PCSK5: variants seen among roughly 807,000 people sequenced by gnomAD.
PCSK5 encodes the protein proprotein convertase subtilisin/kexin type 5, also known as prohormone convertase 5.
In PCSK5, 129 loss-of-function variants were observed where a neutral mutation model predicts 233.2. That is an observed-to-expected ratio of 0.55 (90% CI 0.48 to 0.64). The LOEUF (loss-of-function observed/expected upper bound fraction) is 0.64, where lower values mean the gene tolerates loss of function less well. Among genes scored for constraint, PCSK5 ranks in the 30% least tolerant of loss-of-function variants. PCSK5 has a pLI of 0.00. For synonymous variants in PCSK5, 825 were observed against 879.2 expected (o/e 0.94, Z 1.09); for missense variants, 2,076 against 2,430.1 (o/e 0.85, Z 3.06).
At chr9:76,088,871 G>A (rs550629504) in intron 7 of PCSK5, among the ~76,000 whole-genome samples, 1 of 151,674 alleles carries the variant, frequency 6.6e-6, no homozygotes, top group Admixed American at 6.6e-5. Flanking sequence ...TTTTGTGTGA[G>A]TGCTACAAAA....
At chr9:76,324,805 T>C (rs1829312230) in intron 32 of PCSK5, among the ~76,000 whole-genome samples, 1 of 152,070 alleles carries the variant, frequency 6.6e-6, no homozygotes, top group Non-Finnish European at 1.5e-5. Flanking sequence ...AGCCCAGGAT[T>C]CACTCTGTTG....
At chr9:76,358,059 G>A (rs1433556237) in intron 37 of PCSK5, among the ~76,000 whole-genome samples, 1 of 152,154 alleles carries the variant, frequency 6.6e-6, no homozygotes, top group Non-Finnish European at 1.5e-5. Context: ...TTGGACACCT[G>A]GTGACTGACC....
intron 27 of PCSK5, 29 bp from the exon 28 acceptor site, chr9:76,302,108 A>G: frequency 1.7e-6 from 2 of 1,153,264 alleles, no homozygotes; most frequent in South Asian, 1.4e-5. Flanking sequence ...TTAAAAAAAA[A>G]CTAAACACTT....
chr9:76,028,270 C>G (rs1828511191), intron 5 of PCSK5, among the ~76,000 whole-genome samples: 1 of 152,162 alleles, frequency 6.6e-6, no homozygotes, highest in Non-Finnish European at 1.5e-5. Context: ...GTTCACCTTG[C>G]CTGCTGCCTA....
chr9:76,072,757 A>G (rs936917052), intron 7 of PCSK5, among the ~76,000 whole-genome samples: 1 of 152,136 alleles, frequency 6.6e-6, no homozygotes, highest in African/African-American at 2.4e-5. Context: ...TTCCTCCTGC[A>G]TAGCTCCCGT....
chr9:76,322,064 C>T (rs549201303), intron 31 of PCSK5, among the ~76,000 whole-genome samples: 3 of 152,052 alleles, frequency 2.0e-5, no homozygotes, highest in African/African-American at 7.2e-5. Flanking sequence ...ATTCTCCTGC[C>T]TCAGCCTCCA....
intron 34 of PCSK5, among the ~76,000 whole-genome samples, chr9:76,333,261 A>G (rs1829586153): frequency 6.6e-6 from 1 of 152,254 alleles, no homozygotes; most frequent in East Asian, 1.9e-4. Flanking sequence ...GCCCAAGATC[A>G]TTAATGGAGG....
intron 25 of PCSK5, among the ~76,000 whole-genome samples, chr9:76,294,637 C>T (rs568815695): frequency 2.0e-5 from 3 of 152,136 alleles, no homozygotes; most frequent in African/African-American, 7.2e-5. Flanking sequence ...ATTAAAGATA[C>T]ATGATATCTA....
intron 24 of PCSK5, among the ~76,000 whole-genome samples, chr9:76,241,680 G>A (rs1441715974): frequency 4.6e-5 from 7 of 152,054 alleles, no homozygotes; most frequent in Non-Finnish European, 7.4e-5. Flanking sequence ...TTGCATTGGC[G>A]ATAAAATGAA....
In PCSK5 at chr9:75,925,386, A is replaced by G. The variant is rs552896827; in HGVS notation, c.193-6993A>G. ...TTCGAGTTCCTCAATGCCAGGGGCTATTCATTCATTGCTTTATTCTACTCG... is the reference window on the plus strand; with the variant it reads ...TTCGAGTTCCTCAATGCCAGGGGCTGTTCATTCATTGCTTTATTCTACTCG... On this transcript the variant is annotated intron_variant, in intron 1 of 37. Coordinates refer to ENST00000674117, the MANE Select transcript of PCSK5 (RefSeq NM_001372043.1). Among the ~76,000 whole-genome samples the G allele has an allele frequency of 3.9e-5, 6 of 152,342 alleles. No homozygotes were observed. In the South Asian group the frequency reaches 1.2e-3, roughly 32 times the overall value.
chr9:76,043,303 T>C (rs1012999927), intron 5 of PCSK5, among the ~76,000 whole-genome samples: 3 of 125,194 alleles, frequency 2.4e-5, no homozygotes, highest in Non-Finnish European at 4.7e-5. Context: ...ACCACTGTGC[T>C]CCAGCCTGGG....
At chr9:76,299,390 C>T (rs576842361) in intron 27 of PCSK5, among the ~76,000 whole-genome samples, 17 of 152,236 alleles carry the variant, frequency 1.1e-4, no homozygotes, top group Middle Eastern at 3.4e-3. Flanking sequence ...TATTCAAGGC[C>T]GGACGTGGTA....
chr9:76,196,545 T>A (rs1824711627), intron 20 of PCSK5, among the ~76,000 whole-genome samples: 1 of 152,178 alleles, frequency 6.6e-6, no homozygotes, highest in African/African-American at 2.4e-5. Flanking sequence ...GGAAAAGAAA[T>A]TGTAAACCAG....
At chr9:76,173,496 C>CT (rs59248860) in intron 13 of PCSK5, among the ~76,000 whole-genome samples, 14 of 61,006 alleles carry the variant, frequency 2.3e-4, no homozygotes, top group South Asian at 5.3e-4. Flanking sequence ...GGCACGTTTC[C>CT]TTTTTTTTTT....
At chr9:76,352,888 CA>C (rs140814698) in intron 36 of PCSK5, among the ~76,000 whole-genome samples, 67,722 of 147,076 alleles carry the variant, frequency 0.46, 16,020 homozygotes, top group Admixed American at 0.58. Flanking sequence ...ACAAAAAATA[CA>C]AAAAAAAAAA....
At chr9:76,024,735 C>T (rs1828345328) in intron 4 of PCSK5, among the ~76,000 whole-genome samples, 1 of 152,174 alleles carries the variant, frequency 6.6e-6, no homozygotes, top group African/African-American at 2.4e-5. Context: ...CCAGAATTAT[C>T]TGTGCAATTA....
At chr9:76,252,685 T>C (rs79587381) in intron 24 of PCSK5, among the ~76,000 whole-genome samples, 6,228 of 152,224 alleles carry the variant, frequency 0.041, 397 homozygotes, top group African/African-American at 0.14. Flanking sequence ...TATAAGTATG[T>C]GATTGGCAGA....
At chr9:75,964,200 A>G (rs895784316) in intron 2 of PCSK5, among the ~76,000 whole-genome samples, 1 of 152,216 alleles carries the variant, frequency 6.6e-6, no homozygotes, top group African/African-American at 2.4e-5. Context: ...ATATGGGTTC[A>G]AGAAGGCACT....
chr9:76,005,231 A>G (rs1827426758), intron 3 of PCSK5, among the ~76,000 whole-genome samples: 1 of 152,212 alleles, frequency 6.6e-6, no homozygotes, highest in Admixed American at 6.5e-5. Context: ...CCCTGAGGCA[A>G]TAGAGTCAGA....
Sources: gnomAD v4.1 joint callset for allele counts (sites outside exome capture counted in the v4.1 genomes callset) on GRCh38, gnomAD v4.1.1 for gene constraint, MANE v1.5 for transcripts, NCBI Gene and HGNC (gene_info 2026-07-23, HGNC 2026-07-21) for gene names.